The following FLT3LG variants were observed in gnomAD, a reference collection of about 807,000 sequenced individuals.
The protein encoded by FLT3LG is fms-related tyrosine kinase 3 ligand.
Under a neutral mutation model 30.9 loss-of-function variants are expected in FLT3LG, and 8 were observed. The ratio of observed to expected loss-of-function variants is 0.26; its 90% confidence interval spans 0.15 to 0.47. The LOEUF (loss-of-function observed/expected upper bound fraction) is 0.47. Among genes scored for constraint, FLT3LG ranks in the 20% least tolerant of loss-of-function variants. The pLI is 0.99. For synonymous variants in FLT3LG, 123 were observed against 135.9 expected (o/e 0.91, Z 0.66); for missense variants, 278 against 306.2 (o/e 0.91, Z 0.69).
chr19:49,479,329 G>C (rs2079515038), intron 6 of FLT3LG, among the ~76,000 whole-genome samples: 1 of 151,266 alleles, frequency 6.6e-6, no homozygotes, highest in African/African-American at 2.4e-5. Flanking sequence ...CAAGTAGCTG[G>C]GACCACAGGC....
chr19:49,476,865 G>A lies in FLT3LG; in HGVS notation c.342+299G>A, dbSNP rs1365192419. ...AGAGAAGGGGTCTCTAAACTGAGGA[G>A]GCCGGGCGTGGTGGCTCACTCCTGT... On this transcript the variant is annotated intron_variant, in intron 5 of 8. Transcript: ENST00000597551. This position sits in a 1 kb window ranked among gnomAD's most constrained non-coding sequence, Gnocchi z 5.3. 5.9e-5 allele frequency: 21 copies of A among 357,526 alleles called. No individual in the cohort carries two copies. The highest frequency in any genetic ancestry group is 5.3e-4 in the South Asian group (20 of 37,554). The allele number at this position is 357,526 out of a possible 1,614,324, so 22.1% of individuals were successfully genotyped here.
At chr19:49,479,349 C>T (rs571414245) in intron 6 of FLT3LG, among the ~76,000 whole-genome samples, 12 of 151,814 alleles carry the variant, frequency 7.9e-5, no homozygotes, top group African/African-American at 7.3e-5. Flanking sequence ...CGCCCGCCAC[C>T]ACACCCGGCT....
At chr19:49,484,021 A>G (rs1270580357) in intron 8 of FLT3LG, among the ~76,000 whole-genome samples, 1 of 150,932 alleles carries the variant, frequency 6.6e-6, no homozygotes, top group Non-Finnish European at 1.5e-5. Context: ...AGTAGCTTGG[A>G]CTACAGGCGC....
chr19:49,478,167 A>AATAC (rs544973588), intron 5 of FLT3LG, among the ~76,000 whole-genome samples: 1 of 145,374 alleles, frequency 6.9e-6, no homozygotes, highest in African/African-American at 2.7e-5. Flanking sequence ...AATATAAATA[A>AATAC]ATAAATAAAT....
Position 49,482,980 on chromosome 19 carries a change from A to C in FLT3LG, c.*21+2360A>C, listed in dbSNP as rs114663082. Among the ~76,000 whole-genome samples, 691 of 152,238 alleles carry C rather than the reference A, an allele frequency of 4.5e-3. 2 individuals are homozygous for C. The highest frequency in any genetic ancestry group is 0.016 in the African/African-American group (669 of 41,558). On this transcript the variant is annotated intron_variant, in intron 8 of 8. Coordinates refer to ENST00000597551, the MANE Select transcript of FLT3LG (RefSeq NM_001459.4). ...CAGGTAACTTTATTTTATGCAGTAT[A>C]TCCAAAATGTTGTTATTTCAACATG...
intron 2 of FLT3LG, among the ~76,000 whole-genome samples, chr19:49,475,233 A>G (rs1276547296): frequency 1.0e-5 from 1 of 95,632 alleles, no homozygotes; most frequent in Non-Finnish European, 2.0e-5. Flanking sequence ...GGAGATGGAC[A>G]GAGGAGGGGG....
chr19:49,477,493 C>T (rs993878397), intron 5 of FLT3LG, among the ~76,000 whole-genome samples: 1 of 151,950 alleles, frequency 6.6e-6, no homozygotes, highest in African/African-American at 2.4e-5. Context: ...AATCCCAGCA[C>T]TTTGGGAGGC....
Position 49,480,578 on chromosome 19 carries a change from C to T in FLT3LG, c.687C>T (p.Asp229=). 1 of 1,613,434 alleles carries T rather than the reference C, an allele frequency of 6.2e-7. No individual in the cohort carries two copies. Among genetic ancestry groups the T allele is most frequent in the Non-Finnish European group, 8.5e-7 (1 of 1,179,768 alleles). Residue 229 remains aspartate (D), a synonymous_variant, in exon 8 of 9, where the codon GAC becomes GAT. Transcript: ENST00000597551. ...EQVPPVPSPQ[D]LLLVEH ...TGCCCCCCGTCCCCAGTCCCCAGGA[C>T]CTGCTGCTTGTGGAGCACTGACCTG...
intron 3 of FLT3LG, 119 bp downstream of exon 3, chr19:49,475,920 A>G: frequency 9.3e-7 from 1 of 1,076,738 alleles, no homozygotes; most frequent in Non-Finnish European, 1.4e-6. Flanking sequence ...TCCTGGGCTC[A>G]AGCGATCCTC....
In FLT3LG at chr19:49,476,076, C is replaced by A. The variant is rs779594967; in HGVS notation, c.145-69C>A. 1 of 1,551,596 alleles carries A rather than the reference C, an allele frequency of 6.4e-7. No homozygotes were observed. Among genetic ancestry groups the A allele is most frequent in the Admixed American group, 1.7e-5 (1 of 59,924 alleles). On this transcript the variant is annotated intron_variant, in intron 3 of 8. Transcript: ENST00000597551. The surrounding 1 kb of genome is among the most constrained non-coding windows in gnomAD (Gnocchi z 5.3). ...CCCTCTCTCTCTGGATCTCTGCTGC[C>A]ACCTCTGGGTCCCCACAGTTCTGTT...
At position 49,483,141 on chromosome 19, in the gene FLT3LG, T is replaced by C. The variant is rs188266690; in HGVS notation, c.*21+2521T>C. Among the ~76,000 whole-genome samples the C allele has an allele frequency of 4.5e-3, 690 of 152,028 alleles. 2 individuals are homozygous for C. Among genetic ancestry groups the C allele is most frequent in the African/African-American group, 0.016 (666 of 41,456 alleles). The stretch of plus-strand genomic sequence containing the variant: ...GTTTATTTATTTATTTATTTTTCCT[T>C]TTGAGATGGATTCTCGCTCTGTCAC... On this transcript the variant is annotated intron_variant, in intron 8 of 8. Coordinates refer to ENST00000597551, the MANE Select transcript of FLT3LG (RefSeq NM_001459.4).
rs2079393668 is a variant in FLT3LG at position 49,476,354 on chromosome 19, C to A, written c.199-69C>A. 1.3e-6 allele frequency: 2 copies of A among 1,548,886 alleles called. No individual in the cohort carries two copies. The highest frequency in any genetic ancestry group is 1.8e-6 in the Non-Finnish European group (2 of 1,132,824). ...TCAGACCCAGGAGCCCCGGCCCAGCCCCTCCTCCCTCAGACCCAGCAGCCC... is the reference window on the plus strand; with the variant it reads ...TCAGACCCAGGAGCCCCGGCCCAGCACCTCCTCCCTCAGACCCAGCAGCCC... On this transcript the variant is annotated intron_variant, in intron 4 of 8. Coordinates refer to ENST00000597551, the MANE Select transcript of FLT3LG (RefSeq NM_001459.4). This position sits in a 1 kb window ranked among gnomAD's most constrained non-coding sequence, Gnocchi z 5.3.
chr19:49,479,134 T>G lies in FLT3LG; in HGVS notation c.481+87T>G, dbSNP rs368426909. Reference sequence around the variant, plus strand: ...TGCACAGTGCATCCCAGACCCCATCTTTCTCATATTGGTTGTGACAAGGGC... The same window carrying G: ...TGCACAGTGCATCCCAGACCCCATCGTTCTCATATTGGTTGTGACAAGGGC... On this transcript the variant is annotated intron_variant, in intron 6 of 8. Transcript: ENST00000597551. 4.2e-6 allele frequency: 5 copies of G among 1,185,992 alleles called. No individual in the cohort carries two copies. The South Asian group carries it at 5.9e-5, about 14-fold the overall frequency. The allele number at this position is 1,185,992 out of a possible 1,614,324, so 73.5% of individuals were successfully genotyped here.
Position 49,476,049 on chromosome 19 carries a change from G to T in FLT3LG, c.145-96G>T. 3 of 1,403,422 alleles carry T rather than the reference G, an allele frequency of 2.1e-6. No individual in the cohort carries two copies. Among genetic ancestry groups the T allele is most frequent in the Non-Finnish European group, 3.0e-6 (3 of 991,184 alleles). 86.9% of individuals were successfully genotyped at this position (1,403,422 alleles called of 1,614,324 possible). Reference sequence around the variant, plus strand: ...TCTGGGCTCCCCCTCTCTTGGTCTTGTCCCTCTCTCTCTGGATCTCTGCTG... The same window carrying T: ...TCTGGGCTCCCCCTCTCTTGGTCTTTTCCCTCTCTCTCTGGATCTCTGCTG... On this transcript the variant is annotated intron_variant, in intron 3 of 8. Transcript: ENST00000597551. This position sits in a 1 kb window ranked among gnomAD's most constrained non-coding sequence, Gnocchi z 5.3.
At chr19:49,478,336 AG>A (rs2079469802) in intron 5 of FLT3LG, among the ~76,000 whole-genome samples, 2 of 151,490 alleles carry the variant, frequency 1.3e-5, no homozygotes, top group Non-Finnish European at 2.9e-5. Context: ...GCGTGGTGGC[AG>A]GCGCCTGTAG....
At chr19:49,474,778 G>A (rs2079314973) in intron 2 of FLT3LG, 106 bp downstream of exon 2, 5 of 1,228,694 alleles carry the variant, frequency 4.1e-6, no homozygotes, top group Non-Finnish European at 4.7e-6. Context: ...AGATGACGAG[G>A]AAATAGGAGG....
At chr19:49,478,286 T>A (rs2079467351) in intron 5 of FLT3LG, among the ~76,000 whole-genome samples, 1 of 150,324 alleles carries the variant, frequency 6.7e-6, no homozygotes, top group South Asian at 2.1e-4. Context: ...GCTAACACAA[T>A]GAAACCCCAT....
At chr19:49,481,355 A>G in intron 8 of FLT3LG, 1 of 152,674 alleles carries the variant, frequency 6.5e-6, no homozygotes, top group Non-Finnish European at 1.5e-5. Context: ...CCCTGGGGAG[A>G]TCTGTGGATG....
intron 8 of FLT3LG, among the ~76,000 whole-genome samples, chr19:49,484,186 CTT>C (rs771221361): frequency 6.8e-5 from 9 of 132,048 alleles, no homozygotes; most frequent in African/African-American, 8.3e-5. Flanking sequence ...CCCAGCCTAT[CTT>C]TTTTTTTTTT....
Sources: allele counts gnomAD v4.1 joint callset (sites outside exome capture counted in the v4.1 genomes callset), GRCh38; gene constraint gnomAD v4.1.1; non-coding constraint Gnocchi (gnomAD v3.1); transcripts MANE v1.5; gene names NCBI Gene and HGNC (gene_info 2026-07-23, HGNC 2026-07-21).